SP6: variants seen among roughly 807,000 people sequenced by gnomAD.
SP6 encodes the protein transcription factor Sp6.
Under a neutral mutation model 23.4 loss-of-function variants are expected in SP6, and 10 were observed. The ratio of observed to expected loss-of-function variants is 0.43; its 90% CI spans 0.26 to 0.72. The LOEUF is 0.72. Among genes scored for constraint, SP6 ranks in the 30% least tolerant of loss-of-function variants. The probability of loss-of-function intolerance (pLI) is 0.23; values close to 1 mark genes in which losing one functional copy is unlikely to be tolerated. For synonymous variants in SP6, 238 were observed against 238.7 expected, an observed-to-expected ratio of 1.00 and a Z score of 0.03; for missense variants, 482 against 523.8, an observed-to-expected ratio of 0.92 and a Z score of 0.78.
At chr17:47,862,855 A>AGAACCCTGGCAGAGAGG in the SP6 span, among the ~76,000 whole-genome samples, 31 of 152,388 alleles carry the variant, frequency 2.0e-4, no homozygotes, top group African/African-American at 6.7e-4. Flanking sequence ...GGCGCAGCCT[A>AGAACCCTGGCAGAGAGG]GAACCCTGGC....
chr17:47,861,011 T>G, the SP6 span, among the ~76,000 whole-genome samples: 1 of 152,148 alleles, frequency 6.6e-6, no homozygotes, highest in South Asian at 2.1e-4. Flanking sequence ...GAGAGGAGGC[T>G]GGGTATCAGG....
chr17:47,869,115 C>T, the SP6 span, among the ~76,000 whole-genome samples: 1 of 152,198 alleles, frequency 6.6e-6, no homozygotes, highest in African/African-American at 2.4e-5. Flanking sequence ...CTTCTCAGAA[C>T]AGAGTCCTCC....
At position 47,847,578 on chromosome 17, in the gene SP6, G is replaced by T; in HGVS notation, c.852C>A (p.Phe284Leu). The change falls in exon 2 of 2, where the codon TTC becomes TTA. Residue 284 changes from phenylalanine to leucine, a missense_variant. Phe to Leu is a conservative substitution (Grantham distance 22). Transcript: ENST00000536300. ...TGCCGCAGAAGAGCCAGTTGCACAC[G>T]AAGGGACGGTCGCCGCTGTGCCAGC... ...HLRWHSGDRP[F>L]VCNWLFCGKR... 6.2e-7 allele frequency: 1 copy of T among 1,613,672 alleles called. No individual in the cohort carries two copies. Among genetic ancestry groups the T allele is most frequent in the Non-Finnish European group, 8.5e-7 (1 of 1,179,966 alleles).
upstream of SP6, among the ~76,000 whole-genome samples, chr17:47,859,459 T>C (rs879453562): frequency 6.6e-6 from 1 of 152,250 alleles, no homozygotes; most frequent in Non-Finnish European, 1.5e-5. Flanking sequence ...ATGGGCTTGT[T>C]TTCTTATCTT....
the SP6 span, among the ~76,000 whole-genome samples, chr17:47,866,128 G>T: frequency 1.3e-5 from 2 of 152,148 alleles, no homozygotes; most frequent in African/African-American, 4.8e-5. Flanking sequence ...GGAATTGGGG[G>T]AAATATAAAG....
In SP6 at chr17:47,847,393, G is replaced by T. The variant is rs141505217; in HGVS notation, c.1037C>A (p.Ala346Glu). 3.1e-6 allele frequency: 5 copies of T among 1,612,506 alleles called. No homozygotes were observed. Among genetic ancestry groups the T allele is most frequent in the Admixed American group, 1.7e-5 (1 of 59,914 alleles). ...GCCGGCCTTGCCCTCTCCCGAGGCC[G>T]CCCCAGCCGCCTCCTCCTTGGCGCC... ...HEGAKEEAAG[A>E]ASGEGKAGGA... Residue 346 changes from alanine (A) to glutamate (E), a missense_variant, in exon 2 of 2, where the codon GCG (alanine) becomes GAG (glutamate). Ala to Glu is a moderately radical substitution (Grantham distance 107, BLOSUM62 -1). Around this residue, in one of 3 missense-constraint regions of SP6, gnomAD observed 101 missense variants for 99.3 expected, o/e 1.02. Coordinates refer to ENST00000536300, the MANE Select transcript of SP6 (RefSeq NM_001258248.2).
rs2143641873 is a variant in SP6 at position 47,845,289 on chromosome 17, C to T, written c.*2010G>A. 1 of 152,332 alleles carries T rather than the reference C, an allele frequency of 6.6e-6. No individual in the cohort carries two copies. Among genetic ancestry groups the T allele is most frequent in the South Asian group, 2.1e-4 (1 of 4,830 alleles). 9.4% of individuals were successfully genotyped at this position (152,332 alleles called of 1,614,324 possible). ...GGCATCTTACACCCACGGTGCCCTT[C>T]CTCTTTCCCCCTCTCCACCTGGCCA... On this transcript the variant is annotated 3_prime_UTR_variant, in exon 2 of 2. Coordinates refer to ENST00000536300, the MANE Select transcript of SP6 (RefSeq NM_001258248.2).
upstream of SP6, among the ~76,000 whole-genome samples, chr17:47,852,710 T>G (rs937390577): frequency 6.6e-6 from 1 of 152,170 alleles, no homozygotes; most frequent in African/African-American, 2.4e-5. Context: ...TGTGTATGCG[T>G]ATGTGCATGG....
At chr17:47,849,767 A>T (rs754693819) in intron 1 of SP6, among the ~76,000 whole-genome samples, 1 of 152,168 alleles carries the variant, frequency 6.6e-6, no homozygotes, top group Non-Finnish European at 1.5e-5. Flanking sequence ...TCTCAACCAC[A>T]TATCTGTGGC....
chr17:47,876,260 C>T, the SP6 span, among the ~76,000 whole-genome samples: 1 of 152,212 alleles, frequency 6.6e-6, no homozygotes, highest in African/African-American at 2.4e-5. Context: ...TTATTGAACA[C>T]TTACTATGTC....
chr17:47,866,430 T>A, the SP6 span, among the ~76,000 whole-genome samples: 6 of 152,060 alleles, frequency 3.9e-5, no homozygotes, highest in African/African-American at 1.2e-4. Context: ...TTGGGGGCCA[T>A]GGTGATGCCT....
At chr17:47,860,588 G>T (rs2034028637), upstream of SP6, among the ~76,000 whole-genome samples, 1 of 152,036 alleles carries the variant, frequency 6.6e-6, no homozygotes, top group Non-Finnish European at 1.5e-5. Context: ...TGTCGGCTGG[G>T]TGCAATGGCC....
At position 47,847,575 on chromosome 17, in the gene SP6, C is replaced by T. The variant is rs1367519964; in HGVS notation, c.855G>A (p.Val285=). The change falls in exon 2 of 2, where the codon GTG becomes GTA. Residue 285 remains valine (V), a synonymous_variant. Transcript: ENST00000536300. The part of the protein sequence containing the change: ...LRWHSGDRPF[V]CNWLFCGKRF... ...GCTTGCCGCAGAAGAGCCAGTTGCA[C>T]ACGAAGGGACGGTCGCCGCTGTGCC... The T allele has an allele frequency of 6.2e-7, 1 of 1,613,728 alleles. No homozygotes were observed.
Position 47,847,071 on chromosome 17 carries a change from G to C in SP6, c.*228C>G. ...GGAAACTGTGAGGCAGGGGAGAACA[G>C]AGGGGCATTGCGCAGCTCCTACCGA... On this transcript the variant is annotated 3_prime_UTR_variant, in exon 2 of 2. Transcript: ENST00000536300. The C allele has an allele frequency of 1.8e-6, 1 of 567,148 alleles. No homozygotes were observed. Among genetic ancestry groups the C allele is most frequent in the Non-Finnish European group, 3.1e-6 (1 of 323,538 alleles). The allele number at this position is 567,148 out of a possible 1,614,324, so 35.1% of individuals were successfully genotyped here.
chr17:47,861,257 G>T, the SP6 span, among the ~76,000 whole-genome samples: 1 of 152,290 alleles, frequency 6.6e-6, no homozygotes, highest in South Asian at 2.1e-4. Flanking sequence ...GGTGGCAGAG[G>T]CTGCCCCTCT....
At chr17:47,873,166 C>T in the SP6 span, among the ~76,000 whole-genome samples, 1 of 152,116 alleles carries the variant, frequency 6.6e-6, no homozygotes, top group African/African-American at 2.4e-5. Context: ...CTTCAAAAAT[C>T]GTCAAATCAA....
chr17:47,863,835 T>C, the SP6 span, among the ~76,000 whole-genome samples: 2 of 148,476 alleles, frequency 1.3e-5, no homozygotes, highest in African/African-American at 5.0e-5. Context: ...GCCTCCTGGG[T>C]TCACGCCATT....
intron 1 of SP6, among the ~76,000 whole-genome samples, chr17:47,849,857 G>C (rs1473611296): frequency 1.3e-5 from 2 of 152,168 alleles, no homozygotes; most frequent in Non-Finnish European, 2.9e-5. Context: ...TTGTGTGCCT[G>C]GGTCTTCTCT....
the SP6 span, among the ~76,000 whole-genome samples, chr17:47,874,440 T>C: frequency 6.6e-6 from 1 of 151,926 alleles, no homozygotes; most frequent in Non-Finnish European, 1.5e-5. Context: ...AGGCAGGGGG[T>C]ACATGCCTGT....
Sources: allele counts gnomAD v4.1 joint callset (sites outside exome capture counted in the v4.1 genomes callset), GRCh38; gene constraint gnomAD v4.1.1; regional missense constraint gnomAD v4.1.1; transcripts MANE v1.5; gene names NCBI Gene and HGNC (gene_info 2026-07-23, HGNC 2026-07-21).